DCAF8L2: variants seen among roughly 807,000 people sequenced by gnomAD.
DCAF8L2 encodes DDB1 and CUL4 associated factor 8 like 2, also known as DDB1- and CUL4-associated factor 8-like protein 2.
For missense variants in DCAF8L2, 430 were observed against 490.7 expected (o/e 0.88, Z 1.17); for synonymous variants, 200 against 190.9 (o/e 1.05, Z -0.39).
the DCAF8L2 span, among the ~76,000 whole-genome samples, chrX:27,519,923 C>T: frequency 9.0e-6 from 1 of 110,776 alleles, no homozygotes; most frequent in Non-Finnish European, 1.9e-5. Context: ...ATTGGTAAAA[C>T]CAAATTGTCA....
At chrX:27,676,273 A>C (rs1930136510) in intron 2 of DCAF8L2, among the ~76,000 whole-genome samples, 1 of 111,818 alleles carries the variant, frequency 8.9e-6, no homozygotes, top group African/African-American at 3.3e-5. Context: ...CAATTATAAA[A>C]GGCATTGATT....
At chrX:27,724,085 T>C (rs1256582670) in intron 4 of DCAF8L2, among the ~76,000 whole-genome samples, 2 of 110,879 alleles carry the variant, frequency 1.8e-5, no homozygotes, top group Non-Finnish European at 3.8e-5. Flanking sequence ...TATTTATCAG[T>C]ACACAGTGCA....
chrX:27,652,539 G>A (rs1208134598), intron 2 of DCAF8L2, among the ~76,000 whole-genome samples: 3 of 111,902 alleles, frequency 2.7e-5, no homozygotes, highest in Non-Finnish European at 5.6e-5. Context: ...GGATTTTTAT[G>A]TCCTGTTTAT....
At chrX:27,641,054 T>C (rs754038612) in intron 2 of DCAF8L2, among the ~76,000 whole-genome samples, 1 of 112,193 alleles carries the variant, frequency 8.9e-6, no homozygotes, top group East Asian at 2.8e-4. Flanking sequence ...TTTATTTCCA[T>C]AGCTGTTATA....
chrX:27,664,864 C>T (rs901538814), intron 2 of DCAF8L2, among the ~76,000 whole-genome samples: 4 of 111,244 alleles, frequency 3.6e-5, no homozygotes, highest in Middle Eastern at 4.6e-3. Flanking sequence ...GAATGGTTTA[C>T]TAAATATTTT....
chrX:27,732,783 G>A (rs1313014032), intron 4 of DCAF8L2, among the ~76,000 whole-genome samples: 1 of 110,976 alleles, frequency 9.0e-6, no homozygotes. Flanking sequence ...TTAATCTTTT[G>A]AGGAATCTCC....
the DCAF8L2 span, among the ~76,000 whole-genome samples, chrX:27,493,930 C>T: frequency 9.9e-5 from 11 of 110,641 alleles, no homozygotes; most frequent in African/African-American, 3.6e-4. Context: ...TAAGATGTCT[C>T]ATAATTTTGT....
the DCAF8L2 span, among the ~76,000 whole-genome samples, chrX:27,556,367 C>A: frequency 9.0e-6 from 1 of 111,463 alleles, no homozygotes; most frequent in Admixed American, 9.6e-5. Flanking sequence ...ACCAGCATTT[C>A]ATTAAGTGTA....
At chrX:27,618,024 T>C (rs933110528) in intron 1 of DCAF8L2, among the ~76,000 whole-genome samples, 7 of 111,943 alleles carry the variant, frequency 6.3e-5, no homozygotes, top group Non-Finnish European at 1.1e-4. Context: ...AGAGGATGCT[T>C]AGGTATATTT....
intron 1 of DCAF8L2, among the ~76,000 whole-genome samples, chrX:27,628,755 C>T (rs1928159204): frequency 9.0e-6 from 1 of 110,655 alleles, no homozygotes; most frequent in South Asian, 3.9e-4. Flanking sequence ...AGGCGCCCGC[C>T]ACCACGCCCG....
At chrX:27,506,853 T>C in the DCAF8L2 span, among the ~76,000 whole-genome samples, 2 of 111,393 alleles carry the variant, frequency 1.8e-5, no homozygotes, top group South Asian at 7.6e-4. Context: ...CTAATTACCT[T>C]ATCTTAACTT....
intron 4 of DCAF8L2, among the ~76,000 whole-genome samples, chrX:27,731,307 T>C (rs905405650): frequency 9.1e-6 from 1 of 110,259 alleles, no homozygotes; most frequent in African/African-American, 3.3e-5. Context: ...GCTATTCGGG[T>C]GGCTGAGGCA....
intron 3 of DCAF8L2, among the ~76,000 whole-genome samples, chrX:27,706,046 T>TCC (rs1284553548): frequency 3.6e-5 from 4 of 111,020 alleles, no homozygotes; most frequent in Admixed American, 9.7e-5. Context: ...ATTGAATAGG[T>TCC]GACCCTCGTT....
chrX:27,469,243 T>C, the DCAF8L2 span, among the ~76,000 whole-genome samples: 1 of 112,259 alleles, frequency 8.9e-6, no homozygotes, highest in South Asian at 3.7e-4. Context: ...TCCAGACTCA[T>C]TTCCAGTTTT....
chrX:27,560,801 G>A, the DCAF8L2 span, among the ~76,000 whole-genome samples: 1 of 112,000 alleles, frequency 8.9e-6, no homozygotes, highest in Non-Finnish European at 1.9e-5. Context: ...CCATGGCCTT[G>A]TTCCAGACCT....
At chrX:27,692,056 G>A (rs904134952) in intron 3 of DCAF8L2, among the ~76,000 whole-genome samples, 1 of 111,821 alleles carries the variant, frequency 8.9e-6, no homozygotes, top group African/African-American at 3.2e-5. Flanking sequence ...AGGAACATAA[G>A]AGTAGTGATG....
intron 2 of DCAF8L2, among the ~76,000 whole-genome samples, chrX:27,639,545 T>C (rs1244231481): frequency 8.9e-6 from 1 of 111,813 alleles, no homozygotes; most frequent in African/African-American, 3.2e-5. Flanking sequence ...CCAAAATATC[T>C]CATGTACTCC....
At chrX:27,672,663 G>A (rs745969063) in intron 2 of DCAF8L2, among the ~76,000 whole-genome samples, 17 of 111,701 alleles carry the variant, frequency 1.5e-4, no homozygotes, top group Non-Finnish European at 3.0e-4. Context: ...ACCTATAGCA[G>A]GAATAAAAGA....
At chrX:27,603,469 A>T (rs1278906243) in intron 1 of DCAF8L2, among the ~76,000 whole-genome samples, 1 of 111,822 alleles carries the variant, frequency 8.9e-6, no homozygotes, top group Non-Finnish European at 1.9e-5. Context: ...AAAGTGAATT[A>T]TTCATGGCCT....
Sources: allele counts gnomAD v4.1 joint callset (sites outside exome capture counted in the v4.1 genomes callset), GRCh38; gene constraint gnomAD v4.1.1; transcripts MANE v1.5; gene names NCBI Gene and HGNC (gene_info 2026-07-23, HGNC 2026-07-21).